Variants in ABHD5 observed in about 807,000 individuals in gnomAD.
The protein encoded by ABHD5 is 1-acylglycerol-3-phosphate O-acyltransferase ABHD5.
In ABHD5, 30 loss-of-function variants were observed where a neutral mutation model predicts 44.9. That is an observed-to-expected ratio of 0.67 (90% CI 0.50 to 0.91). The LOEUF (loss-of-function observed/expected upper bound fraction) is 0.91. ABHD5 is among the 40% of genes least tolerant of loss of function. The pLI is 0.00. For synonymous variants in ABHD5, 167 were observed against 147.0 expected (o/e 1.14, Z -0.99); for missense variants, 399 against 423.4 (o/e 0.94, Z 0.50).
intron 5 of ABHD5, among the ~76,000 whole-genome samples, chr3:43,716,337 A>C (rs557536914): frequency 6.6e-6 from 1 of 152,218 alleles, no homozygotes; most frequent in South Asian, 2.1e-4. Flanking sequence ...TCTAACAAAT[A>C]CTCTGGTGAT....
At position 43,690,975 on chromosome 3, in the gene ABHD5, G is replaced by A. The variant is rs776046783; in HGVS notation, c.-18G>A. 1.9e-6 allele frequency: 3 copies of A among 1,570,360 alleles called. No homozygotes were observed. The highest frequency in any genetic ancestry group is 2.5e-5 in the East Asian group (1 of 39,798). ...AGCCGGCTTCGAGATAAGTCCCGGC[G>A]CTTGCGCGGCGGCGGCTATGGCGGC... On this transcript the variant is annotated 5_prime_UTR_variant, in exon 1 of 7. Transcript: ENST00000644371.
At chr3:43,726,138 A>G (rs1412122931), downstream of ABHD5, among the ~76,000 whole-genome samples, 1 of 152,170 alleles carries the variant, frequency 6.6e-6, no homozygotes, top group African/African-American at 2.4e-5. Flanking sequence ...TGCTGGGATT[A>G]TAGGTGTGAG....
At position 43,715,065 on chromosome 3, in the gene ABHD5, G is replaced by T. The variant is rs368882342; in HGVS notation, c.773+7G>T. On this transcript the variant is annotated splice_region_variant and intron_variant, in intron 5 of 6. Coordinates refer to ENST00000644371, the MANE Select transcript of ABHD5 (RefSeq NM_016006.6). ...GTAATGTGCAGACTCCAAGGTGAGGGTTAGGATTCTCAATTCACTCTGTGT... is the reference window on the plus strand; with the variant it reads ...GTAATGTGCAGACTCCAAGGTGAGGTTTAGGATTCTCAATTCACTCTGTGT... 56 of 1,577,162 alleles carry T rather than the reference G, an allele frequency of 3.6e-5. No individual in the cohort carries two copies. In the African/African-American group the frequency reaches 7.0e-4, roughly 20 times the overall value.
At chr3:43,690,925 CCCGGGGCGGCCCAGTCGGCCTGTCAG>C (rs1427461398) in exon 1 of ABHD5, 27 of 1,505,438 alleles carry the variant, frequency 1.8e-5, no homozygotes, top group Non-Finnish European at 2.2e-5. Context: ...GCCGCGCCAG[CCCGGGGCGGCCCAGTCGGCCTGTCAG>C]CCGGCTTCGA....
At chr3:43,710,611 C>A (rs1252872654) in intron 3 of ABHD5, among the ~76,000 whole-genome samples, 1 of 152,196 alleles carries the variant, frequency 6.6e-6, no homozygotes, top group South Asian at 2.1e-4. Flanking sequence ...ACAGTATGGA[C>A]CTGTTACTAA....
rs1038323436 is a variant in ABHD5, at chr3:43,702,280, A to G, written c.199A>G (p.Lys67Glu). The G allele has an allele frequency of 3.1e-6, 5 of 1,601,606 alleles. No individual in the cohort carries two copies. Among genetic ancestry groups the G allele is most frequent in the East Asian group, 2.2e-5 (1 of 44,596 alleles). ...ISNGNKIWTL[K>E]FSHNISNKTP... ...TAATGGAAATAAAATATGGACACTGAAGTTCTCTCATAATATTTCAAATAA... is the reference window on the plus strand; with the variant it reads ...TAATGGAAATAAAATATGGACACTGGAGTTCTCTCATAATATTTCAAATAA... Residue 67 changes from lysine to glutamate, a missense_variant, in exon 3 of 7, where the codon AAG (lysine) becomes GAG (glutamate). Physicochemically the swap from Lys to Glu is moderately conservative, Grantham distance 56 (BLOSUM62 1). Coordinates refer to ENST00000644371, the MANE Select transcript of ABHD5 (RefSeq NM_016006.6).
chr3:43,711,485 T>C (rs568042733), intron 3 of ABHD5, among the ~76,000 whole-genome samples: 1 of 151,716 alleles, frequency 6.6e-6, no homozygotes, highest in East Asian at 1.9e-4. Context: ...CATTTAGATA[T>C]ATTAAAAATA....
downstream of ABHD5, among the ~76,000 whole-genome samples, chr3:43,725,570 C>T (rs2084871758): frequency 6.6e-6 from 1 of 152,136 alleles, no homozygotes; most frequent in Admixed American, 6.5e-5. Context: ...ATAAGGTGCC[C>T]ATTGTTTGAA....
intron 3 of ABHD5, among the ~76,000 whole-genome samples, chr3:43,707,133 C>T (rs986240707): frequency 6.6e-6 from 1 of 152,040 alleles, no homozygotes; most frequent in African/African-American, 2.4e-5. Flanking sequence ...TTTTCCTTTC[C>T]TTCTGGCCCC....
chr3:43,704,033 CTTTTTTTTTTTTTTT>C (rs10544525), intron 3 of ABHD5, among the ~76,000 whole-genome samples: 1 of 84,860 alleles, frequency 1.2e-5, no homozygotes, highest in Admixed American at 1.6e-4. Context: ...TCTTTATTTT[CTTTTTTTTTTTTTTT>C]TTTTTTTGAG....
intron 5 of ABHD5, among the ~76,000 whole-genome samples, chr3:43,716,469 A>T (rs981536440): frequency 1.3e-5 from 2 of 152,060 alleles, no homozygotes; most frequent in Admixed American, 1.3e-4. Context: ...CCTCTCTTTT[A>T]TTTCCTCCCT....
At chr3:43,717,626 C>A (rs773275659) in intron 5 of ABHD5, 45 bp from the exon 6 acceptor site, 2 of 1,602,226 alleles carry the variant, frequency 1.2e-6, no homozygotes, top group South Asian at 2.2e-5. Context: ...AATGCATACT[C>A]ATTCCCAAAA....
intron 1 of ABHD5, among the ~76,000 whole-genome samples, chr3:43,693,330 CTATAAATAAGG>C (rs1195724950): frequency 4.6e-5 from 7 of 152,156 alleles, no homozygotes; most frequent in African/African-American, 7.2e-5. Flanking sequence ...TCATCAAATG[CTATAAATAAGG>C]TATAAATAAG....
intron 7 of ABHD5, among the ~76,000 whole-genome samples, chr3:43,733,309 C>T (rs928356945): frequency 3.0e-4 from 45 of 152,206 alleles, no homozygotes; most frequent in Non-Finnish European, 1.8e-4. Flanking sequence ...AAATCCTCAT[C>T]CAGTCTCCCT....
chr3:43,696,119 T>C (rs2084471692), intron 1 of ABHD5, among the ~76,000 whole-genome samples: 1 of 152,236 alleles, frequency 6.6e-6, no homozygotes, highest in Non-Finnish European at 1.5e-5. Flanking sequence ...CCCCATGTCA[T>C]AGATGCTTAC....
At chr3:43,703,403 TC>T (rs2084569930) in intron 3 of ABHD5, among the ~76,000 whole-genome samples, 2 of 152,100 alleles carry the variant, frequency 1.3e-5, no homozygotes, top group Non-Finnish European at 2.9e-5. Flanking sequence ...GGTCTCAAAC[TC>T]CTGACCTCAA....
rs2084847286 is a variant in ABHD5, at chr3:43,722,427, T to TATATCCTACAG, written c.*3896_*3897insTATCCTACAGA. On this transcript the variant is annotated 3_prime_UTR_variant, in exon 7 of 7. Coordinates refer to ENST00000644371, the MANE Select transcript of ABHD5 (RefSeq NM_016006.6). ...TGTAAAGCAATAGAAGAATTAGTTATACCAATAACTAATAAAATGATCTCC... is the reference window on the plus strand; with the variant it reads ...TGTAAAGCAATAGAAGAATTAGTTATATATCCTACAGACCAATAACTAATAAAATGATCTCC... 1 of 152,202 alleles carries TATATCCTACAG rather than the reference T, an allele frequency of 6.6e-6. No homozygotes were observed. Among genetic ancestry groups the TATATCCTACAG allele is most frequent in the South Asian group, 2.1e-4 (1 of 4,830 alleles). 9.4% of individuals were successfully genotyped at this position (152,202 alleles called of 1,614,324 possible). A position where few individuals can be genotyped will look rare whatever the true frequency, so the allele number is the denominator to read the frequency against.
chr3:43,723,407 G>C (rs1362510056), downstream of ABHD5, among the ~76,000 whole-genome samples: 1 of 152,216 alleles, frequency 6.6e-6, no homozygotes, highest in Admixed American at 6.5e-5. Flanking sequence ...TGAAGGAACA[G>C]ATCCAGCTGC....
intron 7 of ABHD5, among the ~76,000 whole-genome samples, chr3:43,730,549 A>T (rs1325346922): frequency 8.5e-6 from 1 of 118,208 alleles, no homozygotes; most frequent in Non-Finnish European, 1.6e-5. Flanking sequence ...CCTGTCTCCG[A>T]GGCTGGAATA....
Sources: allele counts gnomAD v4.1 joint callset (sites outside exome capture counted in the v4.1 genomes callset), GRCh38; gene constraint gnomAD v4.1.1; transcripts MANE v1.5; gene names NCBI Gene and HGNC (gene_info 2026-07-23, HGNC 2026-07-21).